DNAH8: variants seen among roughly 807,000 people sequenced by gnomAD.
DNAH8 encodes axonemal beta dynein heavy chain 8.
Under a neutral mutation model 562.1 loss-of-function variants are expected in DNAH8, and 382 were observed. The ratio of observed to expected loss-of-function variants is 0.68; its 90% CI spans 0.63 to 0.74. The LOEUF is 0.74. Among genes scored for constraint, DNAH8 ranks in the 30% least tolerant of loss-of-function variants. The probability of loss-of-function intolerance (pLI) is 0.00; values close to 1 mark genes in which losing one functional copy is unlikely to be tolerated. For synonymous variants in DNAH8, 1,881 were observed against 1,919.4 expected, an observed-to-expected ratio of 0.98 and a Z score of 0.52; for missense variants, 5,203 against 5,620.4, an observed-to-expected ratio of 0.93 and a Z score of 2.37.
intron 88 of DNAH8, among the ~76,000 whole-genome samples, chr6:38,991,508 A>G (rs559834479): frequency 4.6e-5 from 7 of 152,314 alleles, no homozygotes; most frequent in African/African-American, 1.7e-4. Flanking sequence ...GAGACTTTAA[A>G]AATGTGAGTC....
chr6:38,735,275 T>C (rs1763991882), intron 5 of DNAH8, among the ~76,000 whole-genome samples: 2 of 152,352 alleles, frequency 1.3e-5, no homozygotes, highest in African/African-American at 4.8e-5. Flanking sequence ...TTTGTTATTC[T>C]TAGAGAGTCT....
At chr6:38,996,616 C>A (rs1354842106) in intron 88 of DNAH8, among the ~76,000 whole-genome samples, 1 of 152,160 alleles carries the variant, frequency 6.6e-6, no homozygotes, top group Non-Finnish European at 1.5e-5. Flanking sequence ...TGGGTAAGTC[C>A]AGGTGTGTGA....
rs573849239 is a variant in DNAH8 at position 38,873,391 on chromosome 6, TG to T, written c.7620+16del. 2.6e-4 allele frequency: 412 copies of T among 1,573,900 alleles called. 3 individuals are homozygous for T. In the African/African-American group the frequency reaches 4.7e-3, roughly 18 times the overall value. On this transcript the variant is annotated intron_variant, in intron 52 of 92. Transcript: ENST00000327475. ...ATATTGTGCAAGTAAGATTTTTTTT[TG>T]TACATTTACTACTTCGATTTTGATT...
At chr6:38,834,833 C>G (rs1774145004) in intron 32 of DNAH8, among the ~76,000 whole-genome samples, 192 bp downstream of exon 32, 1 of 152,126 alleles carries the variant, frequency 6.6e-6, no homozygotes, top group South Asian at 2.1e-4. Context: ...CAGAATAGCT[C>G]TCTGTATTTT....
intron 8 of DNAH8, among the ~76,000 whole-genome samples, chr6:38,748,418 A>G (rs954652358): frequency 6.6e-5 from 10 of 151,984 alleles, no homozygotes; most frequent in South Asian, 2.1e-4. Context: ...TGATATCCCA[A>G]CCTCTTTGTT....
In DNAH8 at chr6:38,791,787, T is replaced by G. The variant is rs913485349; in HGVS notation, c.2901+113T>G. 17 of 1,106,740 alleles carry G rather than the reference T, an allele frequency of 1.5e-5. 1 individual carries two copies. Among genetic ancestry groups the G allele is most frequent in the African/African-American group, 1.1e-4 (7 of 61,164 alleles). The allele number at this position is 1,106,740 out of a possible 1,614,324, so 68.6% of individuals were successfully genotyped here. The stretch of plus-strand genomic sequence containing the variant: ...GGTCAGTAGCATTTAGACTTTTTTT[T>G]TTTGTTTTTTGTGAACATTCTCTGC... On this transcript the variant is annotated intron_variant, in intron 21 of 92. Transcript: ENST00000327475.
rs144169004 is a variant in DNAH8, at chr6:38,873,034, T to G, written c.7366T>G (p.Cys2456Gly). The G allele has an allele frequency of 9.3e-6, 15 of 1,614,016 alleles. No individual in the cohort carries two copies. In the African/African-American group the frequency reaches 2.0e-4, roughly 22 times the overall value. Residue 2456 changes from cysteine to glycine, a missense_variant, in exon 51 of 93, where the codon TGT becomes GGT. By Grantham distance (159) the Cys-to-Gly change is radical (BLOSUM62 -3). Coordinates refer to ENST00000327475, the MANE Select transcript of DNAH8 (RefSeq NM_001206927.2). ...NGDRIPMAPS[C>G]KLLFEVHNIE... ...AGATCGCATTCCCATGGCCCCTAGT[T>G]GTAAGCTTCTGTTTGAAGTCCACAA...
chr6:38,782,929 A>G lies in DNAH8; in HGVS notation c.2260-75A>G, dbSNP rs3800357. The G allele has an allele frequency of 0.33, 439,901 of 1,323,312 alleles. 76,229 individuals carry two copies. Among genetic ancestry groups the G allele is most frequent in the Admixed American group, 0.39 (19,495 of 50,466 alleles). 82.0% of individuals were successfully genotyped at this position (1,323,312 alleles called of 1,614,324 possible). A position where few individuals can be genotyped will look rare whatever the true frequency, so the allele number is the denominator to read the frequency against. On this transcript the variant is annotated intron_variant, in intron 16 of 92. Coordinates refer to ENST00000327475, the MANE Select transcript of DNAH8 (RefSeq NM_001206927.2). ...ATAATTATTTGATATCATTTTACATATAAGTACTTTCATTATTTGGATATA... is the reference window on the plus strand; with the variant it reads ...ATAATTATTTGATATCATTTTACATGTAAGTACTTTCATTATTTGGATATA...
At chr6:38,720,251 T>C (rs1762642918) in intron 1 of DNAH8, among the ~76,000 whole-genome samples, 1 of 152,152 alleles carries the variant, frequency 6.6e-6, no homozygotes, top group African/African-American at 2.4e-5. Context: ...GGGAGAAATA[T>C]CCCTGAGGAC....
intron 35 of DNAH8, 98 bp downstream of exon 35, chr6:38,843,001 A>G: frequency 7.7e-7 from 1 of 1,303,470 alleles, no homozygotes; most frequent in Non-Finnish European, 1.1e-6. Context: ...GGTTGGACTA[A>G]TTGCCCTCTA....
At chr6:38,870,999 A>T (rs933787416) in intron 49 of DNAH8, among the ~76,000 whole-genome samples, 1 of 152,136 alleles carries the variant, frequency 6.6e-6, no homozygotes, top group African/African-American at 2.4e-5. Flanking sequence ...CTAAAACCTG[A>T]ATCTTTTGAC....
At chr6:38,923,214 C>G (rs1370884149) in intron 72 of DNAH8, 29 bp downstream of exon 72, 2 of 1,610,484 alleles carry the variant, frequency 1.2e-6, no homozygotes, top group South Asian at 1.1e-5. Flanking sequence ...TTCATAATCA[C>G]TCTTTCTTTG....
intron 88 of DNAH8, among the ~76,000 whole-genome samples, chr6:38,991,433 G>A (rs1764780433): frequency 6.6e-6 from 1 of 152,148 alleles, no homozygotes; most frequent in African/African-American, 2.4e-5. Flanking sequence ...CTCAGGGATT[G>A]GATTGACAAT....
At chr6:38,991,110 G>A in intron 88 of DNAH8, among the ~76,000 whole-genome samples, 1 of 152,150 alleles carries the variant, frequency 6.6e-6, no homozygotes, top group Non-Finnish European at 1.5e-5. Flanking sequence ...GATGTCCCAG[G>A]AGTCCCAGTT....
chr6:38,807,541 C>A, intron 23 of DNAH8, 69 bp from the exon 24 acceptor site: 1 of 690,206 alleles, frequency 1.4e-6, no homozygotes, highest in African/African-American at 1.9e-5. Context: ...AATATTCTGT[C>A]ATTGTTTTGG....
intron 11 of DNAH8, among the ~76,000 whole-genome samples, chr6:38,765,562 C>G (rs1195652535): frequency 1.3e-5 from 2 of 152,198 alleles, no homozygotes; most frequent in Non-Finnish European, 2.9e-5. Flanking sequence ...GCCCTTTCCT[C>G]ATTGTGTGTT....
intron 12 of DNAH8, among the ~76,000 whole-genome samples, chr6:38,771,332 G>A (rs1025129732): frequency 2.0e-5 from 3 of 152,118 alleles, no homozygotes; most frequent in African/African-American, 7.2e-5. Flanking sequence ...TGCTGAGTGG[G>A]ATCCTTCATA....
Position 38,826,160 on chromosome 6 carries a change from G to T in DNAH8, c.3852G>T (p.Pro1284=). 3.1e-6 allele frequency: 5 copies of T among 1,593,008 alleles called. No homozygotes were observed. The highest frequency in any genetic ancestry group is 4.3e-6 in the Non-Finnish European group (5 of 1,170,492). ...VVGALELHTE[P]MKLALSIEAK... ...ATTTCTTCTTGTCTTCATCAGAGCC[G>T]ATGAAATTGGCCTTATCCATCGAGG... Residue 1284 remains proline (P), a synonymous_variant, in exon 29 of 93, where the codon CCG becomes CCT. Transcript: ENST00000327475.
chr6:38,771,951 T>G (rs72849168), intron 12 of DNAH8, among the ~76,000 whole-genome samples: 18,608 of 152,132 alleles, frequency 0.12, 1,386 homozygotes, highest in Admixed American at 0.22. Flanking sequence ...GTTTAACTTT[T>G]TGTTGATAAC....
Sources: allele counts gnomAD v4.1 joint callset (sites outside exome capture counted in the v4.1 genomes callset), GRCh38; gene constraint gnomAD v4.1.1; transcripts MANE v1.5; gene names NCBI Gene and HGNC (gene_info 2026-07-23, HGNC 2026-07-21).